The following CCDC30 variants were observed in gnomAD, a reference collection of about 807,000 sequenced individuals.
The protein encoded by CCDC30 is coiled-coil domain containing 30.
A neutral mutation model predicts 100.2 loss-of-function variants in CCDC30; 70 were observed. The observed-to-expected ratio is 0.70, with a 90% CI of 0.58 to 0.85. The LOEUF (loss-of-function observed/expected upper bound fraction) is 0.85, where lower values mean the gene tolerates loss of function less well. CCDC30 is among the 40% of genes least tolerant of loss of function. The pLI is 0.00. For missense variants in CCDC30, 652 were observed against 771.2 expected, an observed-to-expected ratio of 0.85 and a Z score of 1.83; for synonymous variants, 233 against 269.5, an observed-to-expected ratio of 0.86 and a Z score of 1.33.
chr1:42,625,315 AAAC>A (rs1290731291), intron 11 of CCDC30, among the ~76,000 whole-genome samples: 1 of 144,662 alleles, frequency 6.9e-6, no homozygotes, highest in Non-Finnish European at 1.6e-5. Flanking sequence ...CTTTTCAAAA[AAAC>A]AACTTTTTGT....
At chr1:42,587,665 A>G (rs746909150) in intron 9 of CCDC30, among the ~76,000 whole-genome samples, 3 of 152,210 alleles carry the variant, frequency 2.0e-5, no homozygotes, top group Non-Finnish European at 2.9e-5. Context: ...TTCTCAGAAT[A>G]CTGAAGTTAG....
intron 11 of CCDC30, among the ~76,000 whole-genome samples, chr1:42,619,618 A>G (rs1313148643): frequency 1.3e-5 from 2 of 152,098 alleles, no homozygotes; most frequent in East Asian, 1.9e-4. Flanking sequence ...TGGTCTTGTT[A>G]TATAGATGAA....
At chr1:42,570,084 C>T (rs942024086) in intron 7 of CCDC30, among the ~76,000 whole-genome samples, 1 of 152,044 alleles carries the variant, frequency 6.6e-6, no homozygotes, top group African/African-American at 2.4e-5. Flanking sequence ...ATGTAACAAA[C>T]CTGCGTGTTC....
intron 11 of CCDC30, among the ~76,000 whole-genome samples, chr1:42,636,811 C>A (rs1006813552): frequency 6.6e-6 from 1 of 151,248 alleles, no homozygotes; most frequent in African/African-American, 2.4e-5. Context: ...ACTAAAAATA[C>A]AAAAATTAGC....
chr1:42,556,067 C>A, intron 6 of CCDC30, 89 bp from the exon 10 acceptor site: 1 of 1,288,154 alleles, frequency 7.8e-7, no homozygotes, highest in Non-Finnish European at 1.1e-6. Flanking sequence ...ATCTTGTTTG[C>A]AACACTGTCT....
At chr1:42,456,456 G>A in the CCDC30 span, 3 of 1,155,406 alleles carry the variant, frequency 2.6e-6, no homozygotes, top group Non-Finnish European at 3.5e-6. Flanking sequence ...GTCAAAAGAA[G>A]GGTAGTGAAC....
At chr1:42,466,126 GAAAATAGAAGAAAGAAA>G in intron 1 of CCDC30, among the ~76,000 whole-genome samples, 1 of 152,294 alleles carries the variant, frequency 6.6e-6, no homozygotes, top group East Asian at 1.9e-4. Flanking sequence ...GAAAGGAGTG[GAAAATAGAAGAAAGAAA>G]GGTTACAGTG....
At chr1:42,579,517 C>T (rs988180058) in intron 8 of CCDC30, among the ~76,000 whole-genome samples, 1 of 151,622 alleles carries the variant, frequency 6.6e-6, no homozygotes, top group Non-Finnish European at 1.5e-5. Flanking sequence ...GCCTTTAATC[C>T]CAGCTACTCA....
At chr1:42,476,920 A>C (rs1643889857) in intron 1 of CCDC30, among the ~76,000 whole-genome samples, 1 of 145,254 alleles carries the variant, frequency 6.9e-6, no homozygotes, top group Admixed American at 7.0e-5. Context: ...CTAGGTGTAG[A>C]GAAAATTGAG....
chr1:42,495,081 CA>C (rs1168417963), intron 4 of CCDC30, among the ~76,000 whole-genome samples: 1 of 147,056 alleles, frequency 6.8e-6, no homozygotes, highest in African/African-American at 2.5e-5. Context: ...GCACTATTCA[CA>C]ATAGCAAAGA....
intron 10 of CCDC30, among the ~76,000 whole-genome samples, chr1:42,599,582 A>G (rs1039130642): frequency 1.3e-5 from 2 of 152,214 alleles, no homozygotes; most frequent in South Asian, 2.1e-4. Context: ...TTAGACATCA[A>G]TGGTTTAAAT....
chr1:42,467,912 A>G (rs970191934), intron 1 of CCDC30: 2 of 152,352 alleles, frequency 1.3e-5, no homozygotes, highest in East Asian at 3.9e-4. Context: ...AAGGACTTGA[A>G]TAGTTCTTTT....
At chr1:42,520,764 C>G (rs184025880) in intron 6 of CCDC30, among the ~76,000 whole-genome samples, 1 of 150,712 alleles carries the variant, frequency 6.6e-6, no homozygotes, top group East Asian at 2.0e-4. Flanking sequence ...CCTCAGCCTC[C>G]CGGGTAGCTG....
intron 7 of CCDC30, among the ~76,000 whole-genome samples, chr1:42,573,929 T>C (rs1285638129): frequency 6.6e-6 from 1 of 152,174 alleles, no homozygotes; most frequent in Non-Finnish European, 1.5e-5. Flanking sequence ...GATTTTCTAA[T>C]GTTAATCCAA....
chr1:42,512,396 G>C (rs947157146), intron 6 of CCDC30, among the ~76,000 whole-genome samples: 1 of 152,182 alleles, frequency 6.6e-6, no homozygotes, highest in Non-Finnish European at 1.5e-5. Context: ...GAGTGACCTG[G>C]AAATGCCATG....
At chr1:42,635,387 A>G (rs1647132108) in intron 11 of CCDC30, among the ~76,000 whole-genome samples, 4 of 152,124 alleles carry the variant, frequency 2.6e-5, no homozygotes, top group Admixed American at 2.0e-4. Context: ...GTTGATGGCA[A>G]TCTGGGTTGT....
intron 6 of CCDC30, among the ~76,000 whole-genome samples, chr1:42,548,354 T>C (rs986593806): frequency 2.0e-5 from 3 of 152,172 alleles, no homozygotes; most frequent in African/African-American, 7.2e-5. Flanking sequence ...GAGAAGACAG[T>C]TGGATTTATC....
chr1:42,542,539 C>CTTTTTTTTTTTT lies in CCDC30; in HGVS notation c.457-23746_457-23735dup, dbSNP rs58751072. On this transcript the variant is annotated intron_variant, in intron 6 of 16. Transcript: ENST00000668663. Reference sequence around the variant, plus strand: ...CACACCTGGCTAATTTTAAATTTTTCTTTTTTTTTTTTTTTTTTTTTTGAG... The same window carrying CTTTTTTTTTTTT: ...CACACCTGGCTAATTTTAAATTTTTCTTTTTTTTTTTTTTTTTTTTTTTTTTTTTTTTTTGAG... 2.9e-4 allele frequency among the ~76,000 whole-genome samples: 22 copies of CTTTTTTTTTTTT among 75,576 alleles called. 2 individuals carry two copies. Among genetic ancestry groups the CTTTTTTTTTTTT allele is most frequent in the South Asian group, 6.4e-4 (1 of 1,554 alleles). 49.6% of individuals were successfully genotyped at this position (75,576 alleles called of 152,430 possible). A position where few individuals can be genotyped will look rare whatever the true frequency, so the allele number is the denominator to read the frequency against.
At chr1:42,482,729 G>C in exon 3 of CCDC30, 1 of 1,234,142 alleles carries the variant, frequency 8.1e-7, no homozygotes, top group South Asian at 4.1e-5. Flanking sequence ...AATGGAACAA[G>C]TAGCAAAGAA....
Sources: gnomAD v4.1 joint callset for allele counts (sites outside exome capture counted in the v4.1 genomes callset) on GRCh38, gnomAD v4.1.1 for gene constraint, MANE v1.5 for transcripts, NCBI Gene and HGNC (gene_info 2026-07-23, HGNC 2026-07-21) for gene names.